DOCK2: variants seen among roughly 807,000 people sequenced by gnomAD.
The protein encoded by DOCK2 is dedicator of cytokinesis protein 2.
In DOCK2, 87 loss-of-function variants were observed where a neutral mutation model predicts 248.9. The observed-to-expected ratio is 0.35, with a 90% confidence interval of 0.29 to 0.42. DOCK2 has a LOEUF of 0.42. Ranked by LOEUF, DOCK2 falls within the 10% of genes least tolerant of loss-of-function variation. The probability of loss-of-function intolerance (pLI) is 1.00; values close to 1 mark genes in which losing one functional copy is unlikely to be tolerated. For missense variants in DOCK2, 1,747 were observed against 2,300.2 expected (o/e 0.76, Z 4.92); for synonymous variants, 805 against 821.6 (o/e 0.98, Z 0.35).
intron 28 of DOCK2, among the ~76,000 whole-genome samples, chr5:169,983,426 T>C (rs1222832342): frequency 6.6e-6 from 1 of 152,144 alleles, no homozygotes; most frequent in Non-Finnish European, 1.5e-5. Flanking sequence ...AGTTTCCCCA[T>C]TTGTAAAGTG....
chr5:169,695,881 A>G lies in DOCK2; in HGVS notation c.922A>G (p.Lys308Glu). 1 of 1,613,966 alleles carries G rather than the reference A, an allele frequency of 6.2e-7. No homozygotes were observed. The highest frequency in any genetic ancestry group is 8.5e-7 in the Non-Finnish European group (1 of 1,179,952). The change falls in exon 10 of 52, where the codon AAG becomes GAG. Residue 308 changes from lysine (K) to glutamate (E), a missense_variant. Transcript: ENST00000520908. Reference protein sequence around the residue: ...QIVRVGKMDLKDTGAKKCTQG... With the variant: ...QIVRVGKMDLEDTGAKKCTQG... ...AGTCCGGGTCGGCAAGATGGATCTTAAGGATACTGGTGCAAAGAAGTGCAC... is the reference window on the plus strand; with the variant it reads ...AGTCCGGGTCGGCAAGATGGATCTTGAGGATACTGGTGCAAAGAAGTGCAC...
At chr5:169,799,249 C>A (rs1457941398) in intron 25 of DOCK2, among the ~76,000 whole-genome samples, 1 of 152,164 alleles carries the variant, frequency 6.6e-6, no homozygotes, top group African/African-American at 2.4e-5. Context: ...TTTTTAGAAT[C>A]TCTTATTTTA....
chr5:169,743,239 T>A (rs1343051727), intron 22 of DOCK2, among the ~76,000 whole-genome samples: 2 of 152,228 alleles, frequency 1.3e-5, no homozygotes, highest in Non-Finnish European at 2.9e-5. Flanking sequence ...TCTAAAACCC[T>A]TATGAATTTT....
chr5:169,883,757 G>C, intron 27 of DOCK2: 1 of 1,551,622 alleles, frequency 6.4e-7, no homozygotes, highest in Non-Finnish European at 8.7e-7. Context: ...AGGCCAGTTG[G>C]ATTCTTAGTG....
intron 29 of DOCK2, among the ~76,000 whole-genome samples, chr5:169,988,128 C>T (rs772056913): frequency 2.6e-5 from 4 of 152,108 alleles, no homozygotes; most frequent in Non-Finnish European, 5.9e-5. Context: ...TTAATGTCAA[C>T]CAGAAAAGAT....
intron 27 of DOCK2, among the ~76,000 whole-genome samples, chr5:169,898,859 G>T (rs261061): frequency 6.6e-6 from 1 of 152,046 alleles, no homozygotes; most frequent in Non-Finnish European, 1.5e-5. Context: ...GTTTGCTGCC[G>T]TTGTGTAAAG....
intron 27 of DOCK2, among the ~76,000 whole-genome samples, chr5:169,933,359 G>T (rs1775845312): frequency 6.6e-6 from 1 of 152,176 alleles, no homozygotes; most frequent in South Asian, 2.1e-4. Flanking sequence ...CTAAGGATAT[G>T]ATTTCATTAG....
chr5:170,038,720 G>A (rs933588496), intron 36 of DOCK2, among the ~76,000 whole-genome samples: 8 of 152,180 alleles, frequency 5.3e-5, no homozygotes, highest in Non-Finnish European at 7.3e-5. Context: ...GTTGAGGGAC[G>A]TCTTCTTTTT....
At chr5:169,662,750 C>A (rs1758515130) in intron 2 of DOCK2, among the ~76,000 whole-genome samples, 1 of 152,108 alleles carries the variant, frequency 6.6e-6, no homozygotes, top group Non-Finnish European at 1.5e-5. Flanking sequence ...GAAACCGTCC[C>A]TATGATCCAG....
intron 15 of DOCK2, among the ~76,000 whole-genome samples, 187 bp downstream of exon 15, chr5:169,708,454 C>T (rs1049689890): frequency 6.6e-5 from 10 of 152,174 alleles, no homozygotes; most frequent in African/African-American, 1.7e-4. Context: ...ACCACGACCA[C>T]GCTGCTAGGA....
At chr5:169,722,446 C>G (rs1489427744) in intron 22 of DOCK2, among the ~76,000 whole-genome samples, 5 of 152,200 alleles carry the variant, frequency 3.3e-5, no homozygotes, top group Non-Finnish European at 7.3e-5. Flanking sequence ...CTGCTCCTCA[C>G]AGATCCTCAT....
At chr5:169,910,005 A>G (rs1774505361) in intron 27 of DOCK2, among the ~76,000 whole-genome samples, 1 of 152,168 alleles carries the variant, frequency 6.6e-6, no homozygotes, top group South Asian at 2.1e-4. Flanking sequence ...TCTGCAAGTC[A>G]TCAGGGTGCC....
At chr5:170,034,352 T>C (rs1166625213) in intron 34 of DOCK2, 47 bp from the exon 35 acceptor site, 1 of 1,608,524 alleles carries the variant, frequency 6.2e-7, no homozygotes. Context: ...CCCAGCACAG[T>C]CTTTCTCCCC....
intron 27 of DOCK2, among the ~76,000 whole-genome samples, chr5:169,982,746 A>G (rs1777975203): frequency 6.6e-6 from 1 of 152,220 alleles, no homozygotes; most frequent in Non-Finnish European, 1.5e-5. Context: ...CAGATGAATT[A>G]TTGTCCCATT....
intron 26 of DOCK2, among the ~76,000 whole-genome samples, chr5:169,811,068 G>A (rs1767722590): frequency 6.6e-6 from 1 of 151,720 alleles, no homozygotes; most frequent in South Asian, 2.1e-4. Context: ...ACAGCAAAGG[G>A]CATTAGCATC....
rs551288092 is a variant in DOCK2, at chr5:169,903,697, G to A, written c.2799+62845G>A. On this transcript the variant is annotated intron_variant, in intron 27 of 51. Transcript: ENST00000520908. ...TTCCTAGAGGGTCGAACTTACTCGG[G>A]GCAGGGGGAGAAAAGAAGTAAGTTT... 8.5e-5 allele frequency among the ~76,000 whole-genome samples: 13 copies of A among 152,220 alleles called. No homozygotes were observed. The East Asian group carries it at 2.3e-3, about 27-fold the overall frequency.
At chr5:169,655,771 C>G (rs918743164) in intron 2 of DOCK2, among the ~76,000 whole-genome samples, 1 of 152,084 alleles carries the variant, frequency 6.6e-6, no homozygotes, top group Non-Finnish European at 1.5e-5. Context: ...TAGATACAAC[C>G]AAAAAACATA....
chr5:169,803,748 A>G (rs1218949752), intron 26 of DOCK2, among the ~76,000 whole-genome samples: 3 of 152,144 alleles, frequency 2.0e-5, no homozygotes, highest in Non-Finnish European at 4.4e-5. Context: ...TGTAGACGTC[A>G]TTCAGAGATT....
chr5:169,710,998 T>C (rs1761551550), intron 15 of DOCK2, among the ~76,000 whole-genome samples: 1 of 152,192 alleles, frequency 6.6e-6, no homozygotes, highest in Non-Finnish European at 1.5e-5. Context: ...TTGTAGCTTC[T>C]AGTGAACATT....
Sources: allele counts gnomAD v4.1 joint callset (sites outside exome capture counted in the v4.1 genomes callset), GRCh38; gene constraint gnomAD v4.1.1; transcripts MANE v1.5; gene names NCBI Gene and HGNC (gene_info 2026-07-23, HGNC 2026-07-21).